ASB4: variants seen among roughly 807,000 people sequenced by gnomAD.
ASB4 encodes ankyrin repeat and SOCS box containing 4.
A neutral mutation model predicts 38.6 loss-of-function variants in ASB4; 35 were observed. The observed-to-expected ratio is 0.91, with a 90% CI of 0.69 to 1.20. ASB4 has a LOEUF of 1.20. Among genes scored for constraint, ASB4 ranks in the 50% most tolerant of loss-of-function variants. The pLI, the probability that ASB4 is intolerant of heterozygous loss-of-function variation, is 0.00. For missense variants in ASB4, 557 were observed against 527.2 expected, an observed-to-expected ratio of 1.06 and a Z score of -0.55; for synonymous variants, 195 against 201.3, an observed-to-expected ratio of 0.97 and a Z score of 0.26.
At chr7:95,498,253 T>C (rs951965211) in intron 2 of ASB4, among the ~76,000 whole-genome samples, 1 of 152,154 alleles carries the variant, frequency 6.6e-6, no homozygotes, top group African/African-American at 2.4e-5. Context: ...GGAGAACTGC[T>C]TGGGTCTAGG....
At chr7:95,518,493 CCTT>C (rs1251577863) in intron 2 of ASB4, among the ~76,000 whole-genome samples, 1 of 152,226 alleles carries the variant, frequency 6.6e-6, no homozygotes, top group African/African-American at 2.4e-5. Context: ...TGAGAAATAA[CCTT>C]CTGTTGCTCT....
upstream of ASB4, chr7:95,485,921 G>T (rs375768854): frequency 6.5e-7 from 1 of 1,538,256 alleles, no homozygotes; most frequent in East Asian, 2.3e-5. Context: ...CTGTTTGCTC[G>T]GTGCTGTTCT....
intron 2 of ASB4, among the ~76,000 whole-genome samples, chr7:95,496,982 C>T (rs1444496405): frequency 2.0e-5 from 3 of 151,964 alleles, no homozygotes; most frequent in Non-Finnish European, 4.4e-5. Context: ...AGCAATAAAA[C>T]TTGGAATATT....
intron 2 of ASB4, among the ~76,000 whole-genome samples, chr7:95,513,442 G>C (rs564469931): frequency 4.3e-4 from 65 of 151,872 alleles, no homozygotes; most frequent in African/African-American, 1.4e-3. Flanking sequence ...CTAGGGAATA[G>C]ATACAGTCTG....
rs1170173489 is a variant in ASB4, at chr7:95,495,922, G to A, written c.352G>A (p.Ala118Thr). ...KTPLHVACEM[A>T]NVDCVKILCD... ...CCCTCTTCACGTGGCTTGTGAAATG[G>A]CCAATGTGGATTGTGTTAAGATCCT... The change falls in exon 2 of 5, where the codon GCC becomes ACC. Residue 118 changes from alanine (A) to threonine (T), a missense_variant. Transcript: ENST00000325885. 6.2e-7 allele frequency: 1 copy of A among 1,614,120 alleles called. No homozygotes were observed. Among genetic ancestry groups the A allele is most frequent in the Non-Finnish European group, 8.5e-7 (1 of 1,180,026 alleles).
chr7:95,532,158 T>C (rs1198534141), intron 3 of ASB4, among the ~76,000 whole-genome samples: 1 of 152,206 alleles, frequency 6.6e-6, no homozygotes, highest in Non-Finnish European at 1.5e-5. Flanking sequence ...AAGTCATCTT[T>C]ACGACAAGTA....
intron 3 of ASB4, among the ~76,000 whole-genome samples, chr7:95,532,904 G>A (rs1584095653): frequency 6.6e-6 from 1 of 152,142 alleles, no homozygotes; most frequent in Admixed American, 6.5e-5. Flanking sequence ...CTGTTTTCTG[G>A]GCTGGCAAGG....
At chr7:95,517,064 G>A (rs1790593584) in intron 2 of ASB4, among the ~76,000 whole-genome samples, 1 of 152,170 alleles carries the variant, frequency 6.6e-6, no homozygotes, top group African/African-American at 2.4e-5. Context: ...CTGTGTTAAT[G>A]ATCATTTGCA....
the ASB4 span, among the ~76,000 whole-genome samples, chr7:95,551,167 C>T: frequency 1.3e-5 from 2 of 152,116 alleles, no homozygotes; most frequent in African/African-American, 4.8e-5. Flanking sequence ...TTTTAGTAGA[C>T]ACACGGTTTT....
intron 2 of ASB4, among the ~76,000 whole-genome samples, chr7:95,513,261 T>G (rs1585808433): frequency 1.4e-5 from 2 of 142,348 alleles, no homozygotes; most frequent in Non-Finnish European, 1.5e-5. Context: ...TTGTTTTTTT[T>G]TTTTTTTTTT....
rs17774689 is a variant in ASB4 at position 95,512,424 on chromosome 7, A to G, written c.488-15389A>G. ...TCCCTGGACCTGTGAAAGTATCTTT[A>G]TGTTGTCTAGAAATGCGTTTCCCAA... is the stretch of plus-strand genomic sequence containing the variant. On this transcript the variant is annotated intron_variant, in intron 2 of 4. Coordinates refer to ENST00000325885, the MANE Select transcript of ASB4 (RefSeq NM_016116.3). 0.016 allele frequency among the ~76,000 whole-genome samples: 2,478 copies of G among 152,280 alleles called. 247 individuals are homozygous for G. In the East Asian group the frequency reaches 0.29, roughly 18 times the overall value.
downstream of ASB4, among the ~76,000 whole-genome samples, chr7:95,540,851 C>T (rs1314687790): frequency 1.3e-5 from 2 of 152,108 alleles, no homozygotes; most frequent in Non-Finnish European, 1.5e-5. Flanking sequence ...ACACAGTAGT[C>T]GAACGATGAT....
chr7:95,502,115 AAG>A (rs200204859), intron 2 of ASB4, among the ~76,000 whole-genome samples: 1,680 of 152,000 alleles, frequency 0.011, 36 homozygotes, highest in African/African-American at 0.037. Flanking sequence ...CTAAAAAAAA[AAG>A]AGAGAGAAAG....
At chr7:95,478,966 G>A (rs1790000784) in intron 1 of ASB4, among the ~76,000 whole-genome samples, 1 of 152,152 alleles carries the variant, frequency 6.6e-6, no homozygotes, top group South Asian at 2.1e-4. Context: ...ATCAGTCTGT[G>A]GACAAGGGCA....
chr7:95,498,386 A>G (rs1469770084), intron 2 of ASB4, among the ~76,000 whole-genome samples: 1 of 152,204 alleles, frequency 6.6e-6, no homozygotes, highest in South Asian at 2.1e-4. Context: ...AATGTTAGCC[A>G]TTCTAAATAT....
chr7:95,542,888 A>T (rs184940904), downstream of ASB4: 1 of 152,242 alleles, frequency 6.6e-6, no homozygotes. Context: ...GAAATAAAAT[A>T]GCCACCTTGT....
At chr7:95,481,220 C>T (rs555193072), upstream of ASB4, among the ~76,000 whole-genome samples, 4 of 152,208 alleles carry the variant, frequency 2.6e-5, no homozygotes, top group Admixed American at 6.5e-5. Context: ...CTGCTGAAAC[C>T]CAAACACTAC....
upstream of ASB4, among the ~76,000 whole-genome samples, chr7:95,474,975 C>G (rs955832027): frequency 1.4e-4 from 21 of 152,168 alleles, no homozygotes; most frequent in African/African-American, 5.1e-4. Flanking sequence ...TCAGGAGATA[C>G]TTTTGCAATA....
chr7:95,495,301 G>C (rs1003921765), intron 1 of ASB4, among the ~76,000 whole-genome samples: 3 of 151,932 alleles, frequency 2.0e-5, no homozygotes, highest in African/African-American at 7.3e-5. Context: ...AAAAGATTTT[G>C]GATAGAATAA....
Sources: allele counts gnomAD v4.1 joint callset (sites outside exome capture counted in the v4.1 genomes callset), GRCh38; gene constraint gnomAD v4.1.1; transcripts MANE v1.5; gene names NCBI Gene and HGNC (gene_info 2026-07-23, HGNC 2026-07-21).